The following SOX5 variants were observed in gnomAD, a reference collection of about 807,000 sequenced individuals.
The protein encoded by SOX5 is transcription factor SOX-5.
SOX5 carries 9 observed loss-of-function variants against 92.0 expected under a neutral mutation model. That is an observed-to-expected ratio of 0.10 (90% CI 0.06 to 0.17). The LOEUF is 0.17. Ranked by LOEUF, SOX5 falls within the 10% of genes least tolerant of loss-of-function variation. SOX5 has a pLI of 1.00. For synonymous variants in SOX5, 344 were observed against 336.3 expected, an observed-to-expected ratio of 1.02 and a Z score of -0.25; for missense variants, 642 against 944.5, an observed-to-expected ratio of 0.68 and a Z score of 4.20.
intron 2 of SOX5, among the ~76,000 whole-genome samples, chr12:24,324,390 G>A (rs192929190): frequency 4.6e-5 from 7 of 152,060 alleles, no homozygotes; most frequent in Admixed American, 1.3e-4. Context: ...CTGATCAGAC[G>A]TCTGTCAAAC....
chr12:24,094,858 C>T (rs1945128684), intron 4 of SOX5, among the ~76,000 whole-genome samples: 1 of 152,134 alleles, frequency 6.6e-6, no homozygotes, highest in Admixed American at 6.5e-5. Context: ...GCCAACTCCA[C>T]TCTGTCTAAA....
chr12:24,151,277 T>A (rs1045449158), intron 4 of SOX5, among the ~76,000 whole-genome samples: 1 of 152,156 alleles, frequency 6.6e-6, no homozygotes, highest in African/African-American at 2.4e-5. Context: ...ATTTTTATTA[T>A]ACTCTAATTT....
At chr12:23,863,594 G>C (rs984289009) in intron 2 of SOX5, among the ~76,000 whole-genome samples, 3 of 151,886 alleles carry the variant, frequency 2.0e-5, no homozygotes, top group Admixed American at 1.3e-4. Flanking sequence ...TTTAAAGTTT[G>C]TTTTATCCCT....
At chr12:23,649,449 C>T (rs2081283029) in intron 7 of SOX5, among the ~76,000 whole-genome samples, 1 of 152,002 alleles carries the variant, frequency 6.6e-6, no homozygotes, top group Admixed American at 6.6e-5. Flanking sequence ...AAAGTTCAAC[C>T]ATGTGTAAGT....
At chr12:23,764,323 A>G (rs2043884113) in intron 3 of SOX5, among the ~76,000 whole-genome samples, 3 of 152,080 alleles carry the variant, frequency 2.0e-5, no homozygotes, top group African/African-American at 4.8e-5. Flanking sequence ...TATTTTCTCA[A>G]CTGTATATAT....
At chr12:23,890,805 T>A (rs2097123178) in intron 2 of SOX5, among the ~76,000 whole-genome samples, 1 of 146,112 alleles carries the variant, frequency 6.8e-6, no homozygotes. Flanking sequence ...GCCTCCAAAG[T>A]CAAGTTGAAA....
At chr12:23,825,607 G>A (rs1004861298) in intron 3 of SOX5, among the ~76,000 whole-genome samples, 1 of 152,122 alleles carries the variant, frequency 6.6e-6, no homozygotes, top group Non-Finnish European at 1.5e-5. Context: ...TCGGAGATCC[G>A]ACAGAGTTGG....
At chr12:23,726,620 A>G (rs7295342) in intron 6 of SOX5, among the ~76,000 whole-genome samples, 115,998 of 152,032 alleles carry the variant, frequency 0.76, 44,310 homozygotes, top group East Asian at 0.78. Flanking sequence ...AGGGGCGTAT[A>G]TAAGCAATGA....
chr12:24,024,123 G>T (rs1309344673), intron 4 of SOX5, among the ~76,000 whole-genome samples: 1 of 151,946 alleles, frequency 6.6e-6, no homozygotes, highest in African/African-American at 2.4e-5. Context: ...AGGTTATTTT[G>T]AGGAGATTAT....
At chr12:23,555,612 C>T (rs563868803) in intron 11 of SOX5, among the ~76,000 whole-genome samples, 7 of 152,230 alleles carry the variant, frequency 4.6e-5, no homozygotes, top group Admixed American at 4.6e-4. Context: ...GCAGGCTATA[C>T]TAAGAGAAAG....
At chr12:24,536,623 C>G (rs560401857) in intron 1 of SOX5, among the ~76,000 whole-genome samples, 1 of 152,160 alleles carries the variant, frequency 6.6e-6, no homozygotes, top group Non-Finnish European at 1.5e-5. Flanking sequence ...AGTTAAACTT[C>G]TGGCCCTAAT....
chr12:24,438,539 CA>C (rs781147010), intron 1 of SOX5, among the ~76,000 whole-genome samples: 17 of 152,090 alleles, frequency 1.1e-4, no homozygotes, highest in Non-Finnish European at 1.8e-4. Context: ...GGAAAAGATT[CA>C]CCATTCTAGA....
Position 24,358,604 on chromosome 12 carries a change from T to G in SOX5, c.-174+9959A>C, listed in dbSNP as rs1955150807. On this transcript the variant is annotated intron_variant, in intron 2 of 4. Coordinates refer to the SOX5 transcript ENST00000446891. Reference sequence around the variant, plus strand: ...TCCAGCCTGGGCAACAGAGCGAGACTCCATCTCAAAAAAAAAAAAAATTGT... The same window carrying G: ...TCCAGCCTGGGCAACAGAGCGAGACGCCATCTCAAAAAAAAAAAAAATTGT... 1.3e-4 allele frequency among the ~76,000 whole-genome samples: 17 copies of G among 130,442 alleles called. No homozygotes were observed. The South Asian group carries it at 5.0e-3, about 38-fold the overall frequency. 85.6% of individuals were successfully genotyped at this position (130,442 alleles called of 152,430 possible). A position where few individuals can be genotyped will look rare whatever the true frequency, so the allele number is the denominator to read the frequency against.
At chr12:24,349,092 C>G (rs1438909871) in intron 2 of SOX5, among the ~76,000 whole-genome samples, 1 of 152,220 alleles carries the variant, frequency 6.6e-6, no homozygotes, top group African/African-American at 2.4e-5. Flanking sequence ...AGCTCTTTCT[C>G]AACTGACGGA....
chr12:23,745,498 G>A (rs1017307999), intron 4 of SOX5, among the ~76,000 whole-genome samples: 2 of 152,036 alleles, frequency 1.3e-5, no homozygotes, highest in East Asian at 1.9e-4. Flanking sequence ...TCATTATTGC[G>A]AATTAACGAG....
chr12:24,283,548 T>C (rs1181882254), intron 2 of SOX5, among the ~76,000 whole-genome samples: 2 of 152,216 alleles, frequency 1.3e-5, no homozygotes, highest in Non-Finnish European at 1.5e-5. Context: ...CTTTAGAGTT[T>C]CCTTACTTGG....
Position 24,332,232 on chromosome 12 carries a change from C to T in SOX5, c.-174+36331G>A, listed in dbSNP as rs893525077. Among the ~76,000 whole-genome samples the T allele has an allele frequency of 2.6e-5, 4 of 152,060 alleles. No individual in the cohort carries two copies. The East Asian group carries it at 5.8e-4, about 22-fold the overall frequency. ...ACACTTATAAAGAGGAGGAAAAAAC[C>T]ACGTTACCTCAAAGGAACATGAATT... On this transcript the variant is annotated intron_variant, in intron 2 of 4. Transcript: ENST00000446891.
intron 3 of SOX5, among the ~76,000 whole-genome samples, chr12:23,790,181 T>A (rs1394281423): frequency 1.3e-5 from 2 of 152,146 alleles, no homozygotes; most frequent in Non-Finnish European, 2.9e-5. Flanking sequence ...GAACAACATT[T>A]GCTTTAATTT....
intron 4 of SOX5, among the ~76,000 whole-genome samples, chr12:24,199,548 T>C (rs1033408334): frequency 5.3e-5 from 8 of 152,190 alleles, no homozygotes; most frequent in Non-Finnish European, 8.8e-5. Context: ...GAAGTTCAAC[T>C]GAATGGCTTG....
Sources: gnomAD v4.1 joint callset for allele counts (sites outside exome capture counted in the v4.1 genomes callset) on GRCh38, gnomAD v4.1.1 for gene constraint, MANE v1.5 for transcripts, NCBI Gene and HGNC (gene_info 2026-07-23, HGNC 2026-07-21) for gene names.